The following EXOC2 variants were observed in gnomAD, a reference collection of about 807,000 sequenced individuals.
EXOC2 encodes the protein SEC5-like 1.
EXOC2 carries 70 observed loss-of-function variants against 131.8 expected under a neutral mutation model. The ratio of observed to expected loss-of-function variants is 0.53; its 90% CI spans 0.44 to 0.65. The LOEUF (loss-of-function observed/expected upper bound fraction) is 0.65. Ranked by LOEUF, EXOC2 falls within the 30% of genes least tolerant of loss-of-function variation. The pLI is 0.00. For synonymous variants in EXOC2, 411 were observed against 398.4 expected, an observed-to-expected ratio of 1.03 and a Z score of -0.38; for missense variants, 923 against 1,108.6, an observed-to-expected ratio of 0.83 and a Z score of 2.38.
intron 25 of EXOC2, among the ~76,000 whole-genome samples, chr6:493,746 G>A (rs765599658): frequency 4.3e-4 from 65 of 152,306 alleles, no homozygotes; most frequent in Non-Finnish European, 7.3e-4. Context: ...GGAGAGTGAA[G>A]CGGGAGTTTA....
chr6:511,279 T>C (rs1022054305), intron 23 of EXOC2, among the ~76,000 whole-genome samples: 1 of 152,196 alleles, frequency 6.6e-6, no homozygotes, highest in African/African-American at 2.4e-5. Flanking sequence ...TAATAGGGTA[T>C]AGCTCCTATT....
intron 22 of EXOC2, among the ~76,000 whole-genome samples, chr6:546,006 C>G (rs1213342991): frequency 6.6e-6 from 1 of 151,828 alleles, no homozygotes; most frequent in Non-Finnish European, 1.5e-5. Context: ...TCCTTTTCAC[C>G]ATGTTTCATA....
At chr6:670,420 C>T (rs1763811549) in intron 1 of EXOC2, 1 of 151,950 alleles carries the variant, frequency 6.6e-6, no homozygotes, top group African/African-American at 2.4e-5. Context: ...AGAAATGGAC[C>T]AATCACAGCT....
chr6:652,356 C>G (rs1402327002), intron 1 of EXOC2, among the ~76,000 whole-genome samples: 1 of 152,154 alleles, frequency 6.6e-6, no homozygotes, highest in African/African-American at 2.4e-5. Flanking sequence ...TTTGTGTGTT[C>G]TTTCCACACT....
chr6:668,843 T>C (rs1763731099), intron 1 of EXOC2, among the ~76,000 whole-genome samples: 1 of 152,272 alleles, frequency 6.6e-6, no homozygotes, highest in East Asian at 1.9e-4. Flanking sequence ...TAATACATAA[T>C]ACAATGTAAG....
At chr6:554,032 G>A in intron 20 of EXOC2, 112 bp from the exon 21 acceptor site, 1 of 823,224 alleles carries the variant, frequency 1.2e-6, no homozygotes, top group Non-Finnish European at 1.9e-6. Context: ...AACATTTGGT[G>A]AAAGTCACAT....
chr6:641,783 T>A (rs1004743469), intron 1 of EXOC2, among the ~76,000 whole-genome samples: 6 of 152,188 alleles, frequency 3.9e-5, no homozygotes, highest in Admixed American at 3.9e-4. Flanking sequence ...CTCTCCCACT[T>A]AAGACCTTCG....
intron 22 of EXOC2, among the ~76,000 whole-genome samples, chr6:535,876 A>G (rs1272210329): frequency 2.0e-5 from 3 of 152,270 alleles, no homozygotes; most frequent in Non-Finnish European, 2.9e-5. Context: ...CTTCATGAAC[A>G]AAGACATAAA....
intron 25 of EXOC2, among the ~76,000 whole-genome samples, chr6:495,339 T>A (rs1271874295): frequency 6.6e-6 from 1 of 151,368 alleles, no homozygotes; most frequent in Non-Finnish European, 1.5e-5. Flanking sequence ...TTAGCCAGGA[T>A]GGTCTCGATC....
intron 17 of EXOC2, among the ~76,000 whole-genome samples, chr6:561,027 A>C (rs182166306): frequency 2.0e-5 from 3 of 152,274 alleles, no homozygotes; most frequent in Non-Finnish European, 4.4e-5. Context: ...TATTTTTATT[A>C]AAAATAAAGC....
At chr6:510,379 T>G (rs1402068841) in intron 23 of EXOC2, among the ~76,000 whole-genome samples, 1 of 150,778 alleles carries the variant, frequency 6.6e-6, no homozygotes, top group Non-Finnish European at 1.5e-5. Flanking sequence ...CATCCCAGGA[T>G]TTTTTTTTTC....
At chr6:548,764 G>A (rs1756994862) in intron 22 of EXOC2, among the ~76,000 whole-genome samples, 1 of 152,204 alleles carries the variant, frequency 6.6e-6, no homozygotes, top group African/African-American at 2.4e-5. Flanking sequence ...TGAATACGCA[G>A]GAAGAGGTTT....
intron 22 of EXOC2, among the ~76,000 whole-genome samples, chr6:539,951 A>C (rs1766707820): frequency 6.6e-6 from 1 of 152,254 alleles, no homozygotes; most frequent in Non-Finnish European, 1.5e-5. Flanking sequence ...ATGCCAAGTA[A>C]ATAACTAATT....
At chr6:582,042 C>T (rs372858101) in intron 11 of EXOC2, among the ~76,000 whole-genome samples, 2 of 152,286 alleles carry the variant, frequency 1.3e-5, no homozygotes, top group African/African-American at 4.8e-5. Flanking sequence ...CAATCCTAGT[C>T]ACTTCACTAG....
chr6:555,519 G>A (rs1163612361), intron 19 of EXOC2, among the ~76,000 whole-genome samples: 4 of 152,094 alleles, frequency 2.6e-5, no homozygotes, highest in African/African-American at 7.2e-5. Flanking sequence ...AAGTGCCTAT[G>A]TTTTGATCAA....
At chr6:579,541 C>T (rs1055723374) in intron 11 of EXOC2, among the ~76,000 whole-genome samples, 1 of 152,164 alleles carries the variant, frequency 6.6e-6, no homozygotes, top group Non-Finnish European at 1.5e-5. Flanking sequence ...CAGAAGGTAG[C>T]GCTTCACAGC....
At chr6:499,898 GTTTTC>G (rs1763947034) in intron 23 of EXOC2, among the ~76,000 whole-genome samples, 198 bp from the exon 24 acceptor site, 1 of 151,970 alleles carries the variant, frequency 6.6e-6, no homozygotes, top group African/African-American at 2.4e-5. Context: ...GAAATGAGAA[GTTTTC>G]TTTTATTGTT....
At chr6:656,575 G>T (rs373567821) in intron 1 of EXOC2, 5 of 1,591,238 alleles carry the variant, frequency 3.1e-6, no homozygotes, top group Non-Finnish European at 4.3e-6. Flanking sequence ...CTGCGAGCGC[G>T]GCCCAGGGAC....
chr6:676,090 C>T (rs1764112200), intron 1 of EXOC2, among the ~76,000 whole-genome samples: 1 of 84,312 alleles, frequency 1.2e-5, no homozygotes, highest in Non-Finnish European at 2.6e-5. Context: ...TGCGGTTCCC[C>T]ATACTCTTCA....
Sources: allele counts gnomAD v4.1 joint callset (sites outside exome capture counted in the v4.1 genomes callset), GRCh38; gene constraint gnomAD v4.1.1; transcripts MANE v1.5; gene names NCBI Gene and HGNC (gene_info 2026-07-23, HGNC 2026-07-21).